CCDC30: variants seen among roughly 807,000 people sequenced by gnomAD.
CCDC30 encodes coiled-coil domain-containing protein 30.
In CCDC30, 70 loss-of-function variants were observed where a neutral mutation model predicts 100.2. That is an observed-to-expected ratio of 0.70 (90% CI 0.58 to 0.85). CCDC30 has a LOEUF of 0.85. CCDC30 is among the 40% of genes least tolerant of loss of function. The probability of loss-of-function intolerance (pLI) is 0.00; values close to 1 mark genes in which losing one functional copy is unlikely to be tolerated. For synonymous variants in CCDC30, 233 were observed against 269.5 expected (o/e 0.86, Z 1.33); for missense variants, 652 against 771.2 (o/e 0.85, Z 1.83).
intron 6 of CCDC30, among the ~76,000 whole-genome samples, chr1:42,508,929 C>T (rs1211339959): frequency 6.6e-6 from 1 of 152,188 alleles, no homozygotes; most frequent in Non-Finnish European, 1.5e-5. Flanking sequence ...ACTGAGCACT[C>T]TTTAAGAAAA....
rs371266901 is a variant in CCDC30 at position 42,569,429 on chromosome 1, AC to A, written c.636+2956del. On this transcript the variant is annotated intron_variant, in intron 7 of 16. Coordinates refer to ENST00000668663, the Ensembl canonical transcript of CCDC30. ...ATGCAAATCAAAACCACAATGAGAT[AC>A]CATCTCATGCCAGTTAGAATGGCGA... Among the ~76,000 whole-genome samples, 146 of 152,344 alleles carry A rather than the reference AC, an allele frequency of 9.6e-4. 6 individuals are homozygous for A. In the South Asian group the frequency reaches 0.028, roughly 29 times the overall value.
chr1:42,520,708 G>T (rs573256375), intron 6 of CCDC30, among the ~76,000 whole-genome samples: 1 of 134,430 alleles, frequency 7.4e-6, no homozygotes, highest in African/African-American at 2.9e-5. Flanking sequence ...TGGCGTGATC[G>T]TGGCTTACTG....
chr1:42,468,970 G>T (rs1478857690), intron 1 of CCDC30, among the ~76,000 whole-genome samples: 7 of 151,968 alleles, frequency 4.6e-5, no homozygotes, highest in Non-Finnish European at 1.0e-4. Flanking sequence ...AGAAGGAAAG[G>T]CTAGAGACAT....
chr1:42,538,973 A>G (rs1644960981), intron 6 of CCDC30, among the ~76,000 whole-genome samples, 200 bp from the exon 8 acceptor site: 1 of 151,630 alleles, frequency 6.6e-6, no homozygotes, highest in Non-Finnish European at 1.5e-5. Flanking sequence ...TGCTCAGTTT[A>G]TTTAATTGAT....
chr1:42,473,067 C>T, intron 1 of CCDC30: 1 of 1,218,904 alleles, frequency 8.2e-7, no homozygotes, highest in Non-Finnish European at 1.0e-6. Context: ...TATCTTGCAT[C>T]CTCAGTTGTG....
chr1:42,636,688 C>A (rs1647162616), intron 11 of CCDC30, among the ~76,000 whole-genome samples: 1 of 151,766 alleles, frequency 6.6e-6, no homozygotes. Context: ...CCAAGGTAGT[C>A]CAAGTGCGGT....
At chr1:42,541,868 G>A (rs1645018209) in intron 6 of CCDC30, among the ~76,000 whole-genome samples, 1 of 152,134 alleles carries the variant, frequency 6.6e-6, no homozygotes, top group South Asian at 2.1e-4. Flanking sequence ...TTTTGTTTGG[G>A]TTACAACATC....
At chr1:42,580,709 C>T (rs1268939215) in intron 8 of CCDC30, 4 of 324,024 alleles carry the variant, frequency 1.2e-5, no homozygotes, top group Non-Finnish European at 2.4e-5. Flanking sequence ...ATATAACAGT[C>T]TCTCTTTCAA....
At chr1:42,556,231 G>A (rs1286327244) in intron 6 of CCDC30, 1 of 1,614,106 alleles carries the variant, frequency 6.2e-7, no homozygotes, top group Non-Finnish European at 8.5e-7. Context: ...CAAGAGAGGG[G>A]CAGAAGGAGG....
chr1:42,482,877 A>C, intron 3 of CCDC30, 61 bp downstream of exon 3: 2,354 of 1,013,366 alleles, frequency 2.3e-3, no homozygotes, highest in Non-Finnish European at 2.6e-3. Flanking sequence ...ATCTCATCTC[A>C]GGGTGGAACA....
chr1:42,479,566 T>A (rs6660822), intron 1 of CCDC30, among the ~76,000 whole-genome samples: 54,314 of 134,822 alleles, frequency 0.4, 10,787 homozygotes, highest in East Asian at 0.6. Flanking sequence ...GACATATGCT[T>A]AAAAAAAAAA....
At chr1:42,519,432 G>A (rs965486777) in intron 6 of CCDC30, among the ~76,000 whole-genome samples, 1 of 152,168 alleles carries the variant, frequency 6.6e-6, no homozygotes, top group Non-Finnish European at 1.5e-5. Context: ...TTTGTTGGGA[G>A]ATTTTACTTA....
chr1:42,545,242 T>C (rs2148534198), intron 6 of CCDC30, among the ~76,000 whole-genome samples, 168 bp from the exon 9 acceptor site: 1 of 142,628 alleles, frequency 7.0e-6, no homozygotes, highest in African/African-American at 2.6e-5. Context: ...TTAAGTAATA[T>C]AACAACTGCA....
At chr1:42,471,314 G>A (rs1406006895) in intron 1 of CCDC30, among the ~76,000 whole-genome samples, 2 of 152,016 alleles carry the variant, frequency 1.3e-5, no homozygotes, top group Non-Finnish European at 2.9e-5. Context: ...CTACAGCATG[G>A]GGATTATGCT....
intron 9 of CCDC30, 149 bp downstream of exon 13, chr1:42,581,663 G>T: frequency 1.6e-6 from 1 of 638,170 alleles, no homozygotes; most frequent in Non-Finnish European, 2.6e-6. Flanking sequence ...CTGATGTATT[G>T]CACTTACCAC....
rs544042091 is a variant in CCDC30 at position 42,635,011 on chromosome 1, C to T, written c.1278-2226C>T. On this transcript the variant is annotated intron_variant, in intron 11 of 16. Coordinates refer to ENST00000668663, the Ensembl canonical transcript of CCDC30. ...CATGTTGTAGCATGTATCAGTACTTCCTTTCTTTTTATAACATTGTATGGA... is the reference window on the plus strand; with the variant it reads ...CATGTTGTAGCATGTATCAGTACTTTCTTTCTTTTTATAACATTGTATGGA... Among the ~76,000 whole-genome samples, 51 of 152,136 alleles carry T rather than the reference C, an allele frequency of 3.4e-4. No homozygotes were observed. In the South Asian group the frequency reaches 5.6e-3, roughly 17 times the overall value.
intron 6 of CCDC30, among the ~76,000 whole-genome samples, chr1:42,505,062 C>T (rs1557811756): frequency 6.6e-6 from 1 of 152,178 alleles, no homozygotes; most frequent in Non-Finnish European, 1.5e-5. Context: ...GAAGGTGCTA[C>T]CATGTATAAC....
chr1:42,480,074 G>T (rs1461963996), intron 1 of CCDC30, among the ~76,000 whole-genome samples: 1 of 151,958 alleles, frequency 6.6e-6, no homozygotes, highest in Non-Finnish European at 1.5e-5. Flanking sequence ...AGATGTCAAG[G>T]CAATATATGA....
chr1:42,460,948 C>G (rs1164253511), upstream of CCDC30, among the ~76,000 whole-genome samples: 3 of 152,190 alleles, frequency 2.0e-5, no homozygotes, highest in Non-Finnish European at 4.4e-5. Flanking sequence ...TCTTTGAATC[C>G]TTGAGAATCT....
Sources: allele counts gnomAD v4.1 joint callset (sites outside exome capture counted in the v4.1 genomes callset), GRCh38; gene constraint gnomAD v4.1.1; transcripts MANE v1.5; gene names NCBI Gene and HGNC (gene_info 2026-07-23, HGNC 2026-07-21).